ZNF584: variants seen among roughly 807,000 people sequenced by gnomAD.
ZNF584 encodes zinc finger protein 584.
ZNF584 carries 12 observed loss-of-function variants against 14.7 expected under a neutral mutation model. That is an observed-to-expected ratio of 0.82 (90% CI 0.52 to 1.32). The LOEUF is 1.32. Ranked by LOEUF, ZNF584 falls within the 40% of genes most tolerant of loss-of-function variation. The pLI, the probability that ZNF584 is intolerant of heterozygous loss-of-function variation, is 0.00. For synonymous variants in ZNF584, 204 were observed against 190.9 expected, an observed-to-expected ratio of 1.07 and a Z score of -0.57; for missense variants, 478 against 518.8, an observed-to-expected ratio of 0.92 and a Z score of 0.76.
Position 58,409,950 on chromosome 19 carries a change from G to A in ZNF584, c.28G>A (p.Asp10Asn). 6.2e-7 allele frequency: 1 copy of A among 1,614,074 alleles called. No individual in the cohort carries two copies. Among genetic ancestry groups the A allele is most frequent in the Non-Finnish European group, 8.5e-7 (1 of 1,180,008 alleles). MAGEAEAQLDPSLQGLVMFE... is the reference protein window; with the variant it reads MAGEAEAQLNPSLQGLVMFE... The stretch of plus-strand genomic sequence containing the variant: ...CATCATTGACCCCAAGGCTCAGTTG[G>A]ACCCATCATTGCAGGGCTTGGTGAT... Residue 10 changes from aspartate (D) to asparagine (N), a missense_variant, in exon 2 of 4, where the codon GAC becomes AAC. Asp to Asn is a conservative substitution (Grantham distance 23). Transcript: ENST00000306910.
chr19:58,415,395 A>T, intron 2 of ZNF584, 129 bp from the exon 3 acceptor site: 2 of 987,338 alleles, frequency 2.0e-6, no homozygotes, highest in Non-Finnish European at 3.0e-6. Context: ...TTGGGGTCTT[A>T]CTGTGTTGCC....
intron 2 of ZNF584, among the ~76,000 whole-genome samples, chr19:58,410,643 A>ATG (rs1339254893): frequency 6.8e-5 from 2 of 29,342 alleles, no homozygotes; most frequent in African/African-American, 4.0e-4. Context: ...GTGTATATAT[A>ATG]TGTGTATATA....
In ZNF584 at chr19:58,417,865, A is replaced by G; in HGVS notation, c.*81A>G. 6.6e-7 allele frequency: 1 copy of G among 1,508,432 alleles called. No homozygotes were observed. Among genetic ancestry groups the G allele is most frequent in the Non-Finnish European group, 8.9e-7 (1 of 1,124,154 alleles). 93.4% of individuals were successfully genotyped at this position (1,508,432 alleles called of 1,614,324 possible). A position where few individuals can be genotyped will look rare whatever the true frequency, so the allele number is the denominator to read the frequency against. ...GTGAGAGTGCCATCCGAAAGAAGCTAAACCTTGCACATCCCAACACCCACC... is the reference window on the plus strand; with the variant it reads ...GTGAGAGTGCCATCCGAAAGAAGCTGAACCTTGCACATCCCAACACCCACC... On this transcript the variant is annotated 3_prime_UTR_variant, in exon 4 of 4. Transcript: ENST00000306910.
rs763059596 is a variant in ZNF584, at chr19:58,417,547, G to C, written c.1029G>C (p.Gln343His). The C allele has an allele frequency of 1.2e-6, 2 of 1,614,198 alleles. No homozygotes were observed. Among genetic ancestry groups the C allele is most frequent in the Non-Finnish European group, 1.7e-6 (2 of 1,180,044 alleles). The change falls in exon 4 of 4, where the codon CAG becomes CAC. Residue 343 changes from glutamine (Q) to histidine (H), a missense_variant. Gln to His is a conservative substitution (Grantham distance 24, BLOSUM62 0). Transcript: ENST00000306910. ...ACGTGACCCGTTCAGGCCTCTATCA[G>C]CACTGGAAAGTCCACACTGGGGAAC... ...KGYVTRSGLY[Q>H]HWKVHTGERP...
chr19:58,412,062 A>T (rs976611548), intron 2 of ZNF584, among the ~76,000 whole-genome samples: 2 of 143,054 alleles, frequency 1.4e-5, no homozygotes, highest in African/African-American at 5.3e-5. Flanking sequence ...GCTCATTGCA[A>T]CCTCCACCTC....
chr19:58,403,734 G>T (rs1182071674), upstream of ZNF584, among the ~76,000 whole-genome samples: 1 of 152,082 alleles, frequency 6.6e-6, no homozygotes, highest in African/African-American at 2.4e-5. Context: ...ATTTTGGGAG[G>T]CTGAGCGGGG....
At position 58,417,722 on chromosome 19, in the gene ZNF584, A is replaced by G. The variant is rs201872989; in HGVS notation, c.1204A>G (p.Lys402Glu). The change falls in exon 4 of 4, where the codon AAA (lysine) becomes GAA (glutamate). Residue 402 changes from lysine (K) to glutamate (E), a missense_variant. Around this residue, in one of 3 missense-constraint regions of ZNF584, gnomAD observed 283 missense variants for 317.3 expected, o/e 0.89. Coordinates refer to ENST00000306910, the MANE Select transcript of ZNF584 (RefSeq NM_173548.3). ...KHSSTLLQHKKVHTPERRQED... is the reference protein window; with the variant it reads ...KHSSTLLQHKEVHTPERRQED... ...TAGTTCCACCCTCCTTCAGCACAAG[A>G]AAGTCCATACTCCAGAAAGGCGTCA... The G allele has an allele frequency of 1.9e-6, 3 of 1,614,160 alleles. No homozygotes were observed. The East Asian group carries it at 6.7e-5, about 36-fold the overall frequency.
intron 2 of ZNF584, among the ~76,000 whole-genome samples, chr19:58,414,505 A>ATT (rs35228695): frequency 5.4e-5 from 8 of 148,658 alleles, no homozygotes; most frequent in Non-Finnish European, 1.5e-5. Flanking sequence ...TGCCCGGGTA[A>ATT]TTTTTTTTTT....
At chr19:58,410,599 A>ATATG (rs2052545509) in intron 2 of ZNF584, among the ~76,000 whole-genome samples, 1 of 40,786 alleles carries the variant, frequency 2.5e-5, no homozygotes, top group African/African-American at 2.4e-4. Context: ...ATATGTATAT[A>ATATG]TATGTATATA....
chr19:58,417,155 GCCCA>G lies in ZNF584; in HGVS notation c.638_641del (p.Ala213ValfsTer16). 1.2e-6 allele frequency: 2 copies of G among 1,613,662 alleles called. No homozygotes were observed. The highest frequency in any genetic ancestry group is 1.7e-6 in the Non-Finnish European group (2 of 1,179,674). On this transcript the variant is annotated frameshift_variant, in exon 4 of 4. Transcript: ENST00000306910. LOFTEE classifies it low-confidence loss of function (END_TRUNC). ...CCGAAAAATTCACACTGGAGAAACA[GCCCA>G]TGTGTGTAATGAATGTGGGAAGGCC...
At position 58,417,220 on chromosome 19, in the gene ZNF584, G is replaced by T. The variant is rs1470968264; in HGVS notation, c.702G>T (p.Lys234Asn). The stretch of plus-strand genomic sequence containing the variant: ...CGTCTAAGCTGAGGAAACACCAGAA[G>T]GTTCACACAGGCATAAAACCTTTTA... ...SYPSKLRKHQ[K>N]VHTGIKPFKC... Residue 234 changes from lysine (K) to asparagine (N), a missense_variant, in exon 4 of 4, where the codon AAG becomes AAT. Lys to Asn is a moderately conservative substitution (Grantham distance 94). Coordinates refer to ENST00000306910, the MANE Select transcript of ZNF584 (RefSeq NM_173548.3). The T allele has an allele frequency of 3.1e-6, 5 of 1,613,902 alleles. No homozygotes were observed. Among genetic ancestry groups the T allele is most frequent in the Non-Finnish European group, 4.2e-6 (5 of 1,180,012 alleles).
At chr19:58,406,342 A>AGG (rs1201178942), upstream of ZNF584, 5 of 49,496 alleles carry the variant, frequency 1.0e-4, no homozygotes, top group Admixed American at 2.7e-4. Context: ...CCGTGGAAAG[A>AGG]GCGGGGGGGG....
At position 58,417,403 on chromosome 19, in the gene ZNF584, A is replaced by T. The variant is rs1377893357; in HGVS notation, c.885A>T (p.Glu295Asp). The change falls in exon 4 of 4, where the codon GAA (glutamate) becomes GAT (aspartate). Residue 295 changes from glutamate (E) to aspartate (D), a missense_variant. This residue lies in a region of ZNF584 where 283 missense variants were observed against 317.3 expected (regional missense o/e 0.89). Transcript: ENST00000306910. ...GGCACCGGAAAGTGCACATTGGAGAAAGGCCCTATGAGTGTACAGAATGTG... is the reference window on the plus strand; with the variant it reads ...GGCACCGGAAAGTGCACATTGGAGATAGGCCCTATGAGTGTACAGAATGTG... ...LIRHRKVHIG[E>D]RPYECTECGK... 6.2e-7 allele frequency: 1 copy of T among 1,603,418 alleles called. No homozygotes were observed. Among genetic ancestry groups the T allele is most frequent in the South Asian group, 1.1e-5 (1 of 90,732 alleles).
rs774540332 is a variant in ZNF584 at position 58,408,896 on chromosome 19, C to G, written c.-252C>G. 11 of 414,090 alleles carry G rather than the reference C, an allele frequency of 2.7e-5. No individual in the cohort carries two copies. The highest frequency in any genetic ancestry group is 8.9e-5 in the Admixed American group (2 of 22,520). The allele number at this position is 414,090 out of a possible 1,614,324, so 25.7% of individuals were successfully genotyped here. A position where few individuals can be genotyped will look rare whatever the true frequency, so the allele number is the denominator to read the frequency against. ...GACCTTTGCCGCGCCTTCCACGCGC[C>G]GTGCCCCACCGGCGAGTGGCTCCAT... On this transcript the variant is annotated 5_prime_UTR_variant, in exon 1 of 4. Transcript: ENST00000306910.
At chr19:58,412,455 C>T (rs556565523) in intron 2 of ZNF584, among the ~76,000 whole-genome samples, 103 of 151,958 alleles carry the variant, frequency 6.8e-4, no homozygotes, top group Non-Finnish European at 1.2e-3. Context: ...ATGATCCACT[C>T]GCCTCGGCCT....
At position 58,417,763 on chromosome 19, in the gene ZNF584, T is replaced by C; in HGVS notation, c.1245T>C (p.His415=). 6.2e-7 allele frequency: 1 copy of C among 1,610,422 alleles called. No individual in the cohort carries two copies. Among genetic ancestry groups the C allele is most frequent in the Non-Finnish European group, 8.5e-7 (1 of 1,177,862 alleles). ...TPERRQEDRA[H]GKVVSC ...AAAGGCGTCAGGAGGACAGGGCACA[T>C]GGGAAGGTCGTTAGCTGCTAGCACC... is the stretch of plus-strand genomic sequence containing the variant. Residue 415 remains histidine, a synonymous_variant, in exon 4 of 4, where the codon CAT becomes CAC. Transcript: ENST00000306910.
Position 58,417,564 on chromosome 19 carries a change from C to A in ZNF584, c.1046C>A (p.Thr349Asn). ...SGLYQHWKVH[T>N]GERPYECSLC... Reference sequence around the variant, plus strand: ...CTCTATCAGCACTGGAAAGTCCACACTGGGGAACGGCCCTATGAATGTAGC... The same window carrying A: ...CTCTATCAGCACTGGAAAGTCCACAATGGGGAACGGCCCTATGAATGTAGC... The change falls in exon 4 of 4, where the codon ACT becomes AAT. Residue 349 changes from threonine to asparagine, a missense_variant. Coordinates refer to ENST00000306910, the MANE Select transcript of ZNF584 (RefSeq NM_173548.3). The A allele has an allele frequency of 1.9e-6, 3 of 1,614,214 alleles. No individual in the cohort carries two copies. The highest frequency in any genetic ancestry group is 2.2e-5 in the East Asian group (1 of 44,882).
upstream of ZNF584, chr19:58,404,877 C>G (rs1246966741): frequency 8.4e-6 from 1 of 119,424 alleles, no homozygotes; most frequent in Non-Finnish European, 1.7e-5. Flanking sequence ...CCCCCCCCCC[C>G]ACCTCCCTCC....
At chr19:58,415,343 C>T (rs2052627918) in intron 2 of ZNF584, among the ~76,000 whole-genome samples, 181 bp from the exon 3 acceptor site, 1 of 152,074 alleles carries the variant, frequency 6.6e-6, no homozygotes, top group Admixed American at 6.6e-5. Context: ...GTGGTGCATG[C>T]CATCATGCCT....
Sources: gnomAD v4.1 joint callset for allele counts (sites outside exome capture counted in the v4.1 genomes callset) on GRCh38, gnomAD v4.1.1 for gene constraint, gnomAD v4.1.1 regional missense constraint, MANE v1.5 for transcripts, NCBI Gene and HGNC (gene_info 2026-07-23, HGNC 2026-07-21) for gene names.